Variants in CDYL2 observed in about 807,000 individuals in gnomAD.
CDYL2 encodes chromodomain Y-like protein 2.
A neutral mutation model predicts 49.4 loss-of-function variants in CDYL2; 23 were observed. The observed-to-expected ratio is 0.47, with a 90% CI of 0.34 to 0.66. CDYL2 has a LOEUF of 0.66. Ranked by LOEUF, CDYL2 falls within the 30% of genes least tolerant of loss-of-function variation. CDYL2 has a pLI of 0.01. For missense variants in CDYL2, 678 were observed against 656.4 expected, an observed-to-expected ratio of 1.03 and a Z score of -0.36; for synonymous variants, 360 against 268.8, an observed-to-expected ratio of 1.34 and a Z score of -3.32.
intron 1 of CDYL2, among the ~76,000 whole-genome samples, chr16:80,753,511 G>C (rs1339299147): frequency 1.3e-5 from 2 of 152,176 alleles, no homozygotes; most frequent in Non-Finnish European, 2.9e-5. Flanking sequence ...AGGAGGCTGA[G>C]GCAGGAGAAT....
intron 5 of CDYL2, among the ~76,000 whole-genome samples, chr16:80,611,408 A>C (rs892047316): frequency 2.0e-5 from 3 of 152,162 alleles, no homozygotes; most frequent in Non-Finnish European, 4.4e-5. Flanking sequence ...AGCTGAATTC[A>C]GAGTTTGTGG....
chr16:80,646,025 G>C (rs1423608695), intron 2 of CDYL2, among the ~76,000 whole-genome samples: 3 of 149,890 alleles, frequency 2.0e-5, no homozygotes, highest in Non-Finnish European at 3.0e-5. Flanking sequence ...ATGGCATTAG[G>C]AGATATACCT....
intron 3 of CDYL2, among the ~76,000 whole-genome samples, chr16:80,628,985 G>C (rs913613780): frequency 3.3e-5 from 5 of 152,118 alleles, no homozygotes; most frequent in Non-Finnish European, 7.4e-5. Flanking sequence ...AGAAAGGCCC[G>C]TTCCAGTCAG....
chr16:80,777,473 G>C (rs925175368), intron 1 of CDYL2, among the ~76,000 whole-genome samples: 6 of 151,794 alleles, frequency 4.0e-5, no homozygotes. Flanking sequence ...ACAAGCTTCT[G>C]GCAACACAAA....
intron 1 of CDYL2, among the ~76,000 whole-genome samples, chr16:80,727,743 G>T (rs528758737): frequency 6.4e-4 from 98 of 152,294 alleles, no homozygotes; most frequent in South Asian, 1.0e-3. Context: ...AGCACGCAGC[G>T]GGAGATCTGA....
At chr16:80,706,991 G>A (rs1286719616) in intron 1 of CDYL2, among the ~76,000 whole-genome samples, 1 of 152,078 alleles carries the variant, frequency 6.6e-6, no homozygotes, top group Non-Finnish European at 1.5e-5. Flanking sequence ...CCATGTTCTG[G>A]GAAGCCGTAC....
At chr16:80,733,303 C>G (rs1394160314) in intron 1 of CDYL2, among the ~76,000 whole-genome samples, 6 of 152,224 alleles carry the variant, frequency 3.9e-5, no homozygotes, top group Non-Finnish European at 5.9e-5. Context: ...ATAGTTGCAG[C>G]AGGCTGGGGA....
chr16:80,801,495 C>G (rs142872370), intron 1 of CDYL2, among the ~76,000 whole-genome samples: 1 of 152,340 alleles, frequency 6.6e-6, no homozygotes, highest in Non-Finnish European at 1.5e-5. Flanking sequence ...AATCACACTT[C>G]ACCATAAAGG....
chr16:80,718,712 C>T (rs1000468595), intron 1 of CDYL2, among the ~76,000 whole-genome samples: 1 of 152,162 alleles, frequency 6.6e-6, no homozygotes, highest in Non-Finnish European at 1.5e-5. Context: ...AGGTGGTGTC[C>T]CAACAGACAC....
chr16:80,625,193 A>C (rs914814246), intron 3 of CDYL2, among the ~76,000 whole-genome samples: 2 of 152,258 alleles, frequency 1.3e-5, no homozygotes, highest in African/African-American at 2.4e-5. Context: ...TCAAGTTGTC[A>C]GCAAGACTGC....
intron 3 of CDYL2, among the ~76,000 whole-genome samples, chr16:80,626,379 G>C (rs1196748432): frequency 2.0e-5 from 3 of 151,936 alleles, no homozygotes; most frequent in Non-Finnish European, 4.4e-5. Flanking sequence ...TTTGAGGGCA[G>C]GGGTTGGTAT....
intron 1 of CDYL2, among the ~76,000 whole-genome samples, chr16:80,737,677 G>A (rs1052191614): frequency 7.9e-5 from 12 of 152,158 alleles, no homozygotes; most frequent in Non-Finnish European, 1.6e-4. Flanking sequence ...ATCAGGTGAA[G>A]GCTTTGTTAA....
intron 2 of CDYL2, among the ~76,000 whole-genome samples, chr16:80,651,060 G>A (rs1323526737): frequency 2.0e-5 from 3 of 152,138 alleles, no homozygotes; most frequent in African/African-American, 7.2e-5. Flanking sequence ...ACAACAGGGT[G>A]ACTCTGGTCA....
At chr16:80,680,196 G>T (rs934080062) in intron 2 of CDYL2, among the ~76,000 whole-genome samples, 8 of 152,228 alleles carry the variant, frequency 5.3e-5, no homozygotes, top group Non-Finnish European at 1.5e-5. Context: ...TGTGTGTGTT[G>T]TGTGGAATGA....
chr16:80,667,922 T>G (rs182857822), intron 2 of CDYL2, among the ~76,000 whole-genome samples: 10 of 152,234 alleles, frequency 6.6e-5, no homozygotes, highest in African/African-American at 2.2e-4. Context: ...TGAATGCCCC[T>G]GACTCGCCAC....
Position 80,634,991 on chromosome 16 carries a change from C to A in CDYL2, c.617-1755G>T, listed in dbSNP as rs372904806. 1.4e-3 allele frequency among the ~76,000 whole-genome samples: 212 copies of A among 152,270 alleles called. 2 individuals are homozygous for A. Among genetic ancestry groups the A allele is most frequent in the African/African-American group, 4.8e-3 (200 of 41,554 alleles). On this transcript the variant is annotated intron_variant, in intron 2 of 6. Transcript: ENST00000570137. ...TTCATTCCATGAGGCTTGAGTTGCC[C>A]TAATACCAAAGCCAGATAAAGACAT...
chr16:80,704,576 G>A (rs1178409210), intron 1 of CDYL2, among the ~76,000 whole-genome samples: 2 of 152,238 alleles, frequency 1.3e-5, no homozygotes, highest in Non-Finnish European at 2.9e-5. Context: ...CCACCGGTGT[G>A]TACAAGGTAG....
At chr16:80,756,418 T>A (rs1402855120) in intron 1 of CDYL2, among the ~76,000 whole-genome samples, 1 of 151,934 alleles carries the variant, frequency 6.6e-6, no homozygotes, top group African/African-American at 2.4e-5. Context: ...TAACAAAAAA[T>A]GGCAGTAATT....
Position 80,604,176 on chromosome 16 carries a change from G to T in CDYL2, c.*212C>A, listed in dbSNP as rs1906224519. The T allele has an allele frequency of 6.7e-6, 4 of 593,060 alleles. No individual in the cohort carries two copies. The South Asian group carries it at 8.1e-5, about 12-fold the overall frequency. The allele number at this position is 593,060 out of a possible 1,614,324, so 36.7% of individuals were successfully genotyped here. ...TTGGACAGCTCTCTGGCCAGGAAGGGCAGGGAGGTGGGGGAGGCCAAGTAT... is the reference window on the plus strand; with the variant it reads ...TTGGACAGCTCTCTGGCCAGGAAGGTCAGGGAGGTGGGGGAGGCCAAGTAT... On this transcript the variant is annotated 3_prime_UTR_variant, in exon 7 of 7. Coordinates refer to ENST00000570137, the MANE Select transcript of CDYL2 (RefSeq NM_152342.4).
Sources: allele counts gnomAD v4.1 joint callset (sites outside exome capture counted in the v4.1 genomes callset), GRCh38; gene constraint gnomAD v4.1.1; transcripts MANE v1.5; gene names NCBI Gene and HGNC (gene_info 2026-07-23, HGNC 2026-07-21).